ANK2: variants seen among roughly 807,000 people sequenced by gnomAD.
The protein encoded by ANK2 is ankyrin 2, also known as ankyrin-2.
In ANK2, 83 loss-of-function variants were observed where a neutral mutation model predicts 360.5. That is an observed-to-expected ratio of 0.23 (90% CI 0.19 to 0.28). The LOEUF (loss-of-function observed/expected upper bound fraction) is 0.28. Among genes scored for constraint, ANK2 ranks in the 10% least tolerant of loss-of-function variants. The pLI is 1.00. For missense variants in ANK2, 4,201 were observed against 4,795.7 expected (o/e 0.88, Z 3.66); for synonymous variants, 1,740 against 1,759.5 (o/e 0.99, Z 0.28).
At chr4:113,159,735 G>C (rs2097444996) in intron 1 of ANK2, among the ~76,000 whole-genome samples, 2 of 151,704 alleles carry the variant, frequency 1.3e-5, no homozygotes, top group Admixed American at 6.6e-5. Flanking sequence ...AGCCTACTGA[G>C]TAGCTGGGAT....
At chr4:113,369,077 T>C (rs537083253) in intron 42 of ANK2, among the ~76,000 whole-genome samples, 1 of 152,040 alleles carries the variant, frequency 6.6e-6, no homozygotes, top group South Asian at 2.1e-4. Context: ...CTTGTATTTA[T>C]ACTTATGATA....
intron 39 of ANK2, 60 bp downstream of exon 39, chr4:113,360,957 T>C (rs1368358110): frequency 7.0e-7 from 1 of 1,436,278 alleles, no homozygotes; most frequent in African/African-American, 1.4e-5. Context: ...CAGTCAGGTG[T>C]CATTCACAGC....
chr4:113,287,829 T>A (rs896999038), intron 19 of ANK2, 126 bp downstream of exon 19: 1 of 796,932 alleles, frequency 1.3e-6, no homozygotes, highest in African/African-American at 1.7e-5. Flanking sequence ...TATAAACTAA[T>A]CATAACCCTC....
chr4:112,718,164 G>A, the ANK2 span, among the ~76,000 whole-genome samples: 1 of 152,204 alleles, frequency 6.6e-6, no homozygotes, highest in Non-Finnish European at 1.5e-5. Context: ...AGAAGGTGTT[G>A]TTGTTTTCCG....
chr4:112,824,186 TC>T (rs1199704278), intron 1 of ANK2, among the ~76,000 whole-genome samples: 3 of 151,876 alleles, frequency 2.0e-5, no homozygotes, highest in Non-Finnish European at 2.9e-5. Flanking sequence ...TATCTATCCG[TC>T]TATCTAGAGG....
At chr4:112,800,571 G>T in the ANK2 span, among the ~76,000 whole-genome samples, 3 of 152,144 alleles carry the variant, frequency 2.0e-5, no homozygotes, top group Non-Finnish European at 4.4e-5. Context: ...ATTTGCCAGC[G>T]TTGGGAGAAT....
At position 112,963,883 on chromosome 4, in the gene ANK2, C is replaced by T. The variant is rs552671702; in HGVS notation, c.21+59369C>T. 1.9e-4 allele frequency among the ~76,000 whole-genome samples: 29 copies of T among 151,860 alleles called. No individual in the cohort carries two copies. The East Asian group carries it at 4.3e-3, about 22-fold the overall frequency. On this transcript the variant is annotated intron_variant, in intron 2 of 30. Coordinates refer to the ANK2 transcript ENST00000503271. ...TAAGAGAATTTATTTCTATTATTTA[C>T]GGTAGCCAACTATTTATAGTTACTG...
the ANK2 span, among the ~76,000 whole-genome samples, chr4:112,765,701 A>G: frequency 1.7e-5 from 2 of 118,014 alleles, no homozygotes; most frequent in East Asian, 5.7e-4. Context: ...CATGTCTTTT[A>G]GATAGTATAT....
intron 35 of ANK2, among the ~76,000 whole-genome samples, chr4:113,346,290 A>C (rs1158764733): frequency 6.6e-6 from 1 of 152,170 alleles, no homozygotes; most frequent in Non-Finnish European, 1.5e-5. Context: ...ATTAATACAC[A>C]TTGGGCATGG....
Position 113,174,470 on chromosome 4 carries a change from G to T in ANK2, c.139G>T (p.Val47Phe), listed in dbSNP as rs1388701783. Residue 47 changes from valine (V) to phenylalanine (F), a missense_variant, in exon 2 of 46, where the codon GTT (valine) becomes TTT (phenylalanine). Val to Phe is a conservative substitution (Grantham distance 50, BLOSUM62 -1). Transcript: ENST00000357077. ...TGCCAGAGCAGGCAACCTGGACAAA[G>T]TTGTGGAATATCTGAAGGGGGGCAT... is the stretch of plus-strand genomic sequence containing the variant. ...RAARAGNLDK[V>F]VEYLKGGIDI... The T allele has an allele frequency of 9.9e-6, 16 of 1,613,222 alleles. No individual in the cohort carries two copies. Among genetic ancestry groups the T allele is most frequent in the Non-Finnish European group, 2.5e-6 (3 of 1,179,554 alleles).
At chr4:112,840,278 G>A (rs1052077389) in intron 1 of ANK2, among the ~76,000 whole-genome samples, 4 of 152,208 alleles carry the variant, frequency 2.6e-5, no homozygotes, top group African/African-American at 9.6e-5. Context: ...CATGGTAGGA[G>A]TGAGGTAGTT....
chr4:112,747,019 G>C, the ANK2 span, among the ~76,000 whole-genome samples: 15 of 152,184 alleles, frequency 9.9e-5, no homozygotes, highest in African/African-American at 3.4e-4. Flanking sequence ...GTTAACAATG[G>C]TATCAGACTC....
At chr4:113,203,823 G>C (rs72898036) in intron 4 of ANK2, among the ~76,000 whole-genome samples, 1 of 151,874 alleles carries the variant, frequency 6.6e-6, no homozygotes, top group Non-Finnish European at 1.5e-5. Flanking sequence ...CATAGTTCCC[G>C]TAACAGTTCT....
intron 2 of ANK2, among the ~76,000 whole-genome samples, chr4:112,973,853 T>C (rs961317661): frequency 6.6e-6 from 1 of 152,192 alleles, no homozygotes; most frequent in African/African-American, 2.4e-5. Flanking sequence ...CCACAGTCCA[T>C]CTGACTGGAT....
chr4:112,845,679 C>A (rs1383822544), intron 1 of ANK2, among the ~76,000 whole-genome samples: 1 of 152,136 alleles, frequency 6.6e-6, no homozygotes, highest in East Asian at 1.9e-4. Flanking sequence ...CACTTCCCTT[C>A]CTTTGTGTCT....
At chr4:113,151,094 G>C (rs2097060526) in intron 1 of ANK2, 3 of 1,288,874 alleles carry the variant, frequency 2.3e-6, no homozygotes, top group South Asian at 1.2e-5. Context: ...CATGCCCCCA[G>C]ATGAAACCAG....
intron 24 of ANK2, 144 bp downstream of exon 24, chr4:113,311,543 T>C (rs1360680113): frequency 8.8e-7 from 1 of 1,141,690 alleles, no homozygotes; most frequent in South Asian, 1.4e-5. Context: ...TGTTTTTCCA[T>C]TGTCTAACAA....
At chr4:113,331,133 G>C (rs1231619140) in intron 27 of ANK2, among the ~76,000 whole-genome samples, 3 of 152,154 alleles carry the variant, frequency 2.0e-5, no homozygotes, top group African/African-American at 7.2e-5. Context: ...ATTGTGCCAA[G>C]AAATGAATAG....
intron 1 of ANK2, among the ~76,000 whole-genome samples, chr4:112,871,133 GAT>G (rs1211382846): frequency 6.6e-6 from 1 of 151,710 alleles, no homozygotes; most frequent in Non-Finnish European, 1.5e-5. Flanking sequence ...GAATAGGACT[GAT>G]ATTTGTATAT....
Sources: allele counts gnomAD v4.1 joint callset (sites outside exome capture counted in the v4.1 genomes callset), GRCh38; gene constraint gnomAD v4.1.1; transcripts MANE v1.5; gene names NCBI Gene and HGNC (gene_info 2026-07-23, HGNC 2026-07-21).